CACNB2: variants seen among roughly 807,000 people sequenced by gnomAD.
CACNB2 encodes the protein calcium voltage-gated channel auxiliary subunit beta 2, also known as voltage-dependent L-type calcium channel subunit beta-2.
A neutral mutation model predicts 73.3 loss-of-function variants in CACNB2; 42 were observed. That is an observed-to-expected ratio of 0.57 (90% CI 0.45 to 0.74). The LOEUF (loss-of-function observed/expected upper bound fraction) is 0.74, where lower values mean the gene tolerates loss of function less well. Ranked by LOEUF, CACNB2 falls within the 30% of genes least tolerant of loss-of-function variation. The pLI is 0.00. For synonymous variants in CACNB2, 348 were observed against 310.3 expected (o/e 1.12, Z -1.28); for missense variants, 940 against 853.0 (o/e 1.10, Z -1.27).
Position 18,229,400 on chromosome 10 carries a change from C to G in CACNB2, c.213+78425C>G, listed in dbSNP as rs564081201. 1.3e-4 allele frequency among the ~76,000 whole-genome samples: 20 copies of G among 152,164 alleles called. 1 individual carries two copies. In the South Asian group the frequency reaches 4.2e-3, roughly 32 times the overall value. On this transcript the variant is annotated intron_variant, in intron 2 of 13. Coordinates refer to ENST00000324631, the MANE Select transcript of CACNB2 (RefSeq NM_201596.3). The stretch of plus-strand genomic sequence containing the variant: ...AGATCTAAAATTAGTCTTATTAGAC[C>G]ACAGATATGTACCCAGCCAAATTTA...
chr10:18,188,188 T>C (rs925555497), intron 2 of CACNB2, among the ~76,000 whole-genome samples: 16 of 152,094 alleles, frequency 1.1e-4, no homozygotes, highest in South Asian at 6.2e-4. Context: ...TGCTTGCTTA[T>C]CTCCTTCCTT....
intron 3 of CACNB2, among the ~76,000 whole-genome samples, chr10:18,474,095 A>G (rs778064717): frequency 8.5e-5 from 13 of 152,254 alleles, no homozygotes; most frequent in Non-Finnish European, 1.0e-4. Flanking sequence ...AATTTCTCAC[A>G]TAGAAAATGG....
intron 3 of CACNB2, among the ~76,000 whole-genome samples, chr10:18,496,386 G>A (rs568502139): frequency 2.0e-5 from 3 of 152,028 alleles, no homozygotes; most frequent in Non-Finnish European, 4.4e-5. Flanking sequence ...AATTAACTTC[G>A]GAAAATTTGG....
chr10:18,307,983 C>CATT (rs1356604464), intron 2 of CACNB2, among the ~76,000 whole-genome samples: 15 of 70,268 alleles, frequency 2.1e-4, no homozygotes, highest in African/African-American at 8.4e-4. Context: ...TATATGCCAA[C>CATT]TTTTTTTTTT....
chr10:18,391,908 A>C (rs61839230), intron 2 of CACNB2, among the ~76,000 whole-genome samples: 21,067 of 139,544 alleles, frequency 0.15, 1,833 homozygotes, highest in South Asian at 0.21. Context: ...AGCCTGAGTG[A>C]CAGAGTAAGA....
At chr10:18,330,204 T>C (rs1219997264) in intron 2 of CACNB2, among the ~76,000 whole-genome samples, 1 of 152,192 alleles carries the variant, frequency 6.6e-6, no homozygotes, top group Non-Finnish European at 1.5e-5. Context: ...AAAAATCGCA[T>C]TCATTATTTA....
chr10:18,147,806 T>C (rs967096526), intron 1 of CACNB2, among the ~76,000 whole-genome samples: 1 of 152,100 alleles, frequency 6.6e-6, no homozygotes, highest in Non-Finnish European at 1.5e-5. Context: ...TTCACTTTTT[T>C]CCCCCCTTAA....
intron 2 of CACNB2, among the ~76,000 whole-genome samples, chr10:18,218,859 C>A (rs1043446217): frequency 1.3e-5 from 2 of 151,358 alleles, no homozygotes; most frequent in Non-Finnish European, 2.9e-5. Flanking sequence ...GAATGAGACT[C>A]CATCTCAAAA....
At chr10:18,249,375 T>C (rs1248183294) in intron 2 of CACNB2, among the ~76,000 whole-genome samples, 1 of 151,462 alleles carries the variant, frequency 6.6e-6, no homozygotes, top group African/African-American at 2.4e-5. Flanking sequence ...TTACCTGTAA[T>C]ACCTCCTATT....
chr10:18,243,256 C>T (rs757062352), intron 2 of CACNB2, among the ~76,000 whole-genome samples: 1 of 151,666 alleles, frequency 6.6e-6, no homozygotes, highest in Non-Finnish European at 1.5e-5. Flanking sequence ...TAAATTTGAT[C>T]AAGAATAAAT....
intron 2 of CACNB2, among the ~76,000 whole-genome samples, chr10:18,210,938 C>T (rs540832876): frequency 6.6e-6 from 1 of 152,280 alleles, no homozygotes; most frequent in Admixed American, 6.5e-5. Context: ...TGCCTTCAGA[C>T]AAGTTTCTCA....
intron 2 of CACNB2, among the ~76,000 whole-genome samples, chr10:18,178,509 A>G (rs1201859202): frequency 1.3e-5 from 2 of 152,160 alleles, no homozygotes; most frequent in Admixed American, 1.3e-4. Flanking sequence ...GTTGACCCAC[A>G]GATTTCTTCT....
At chr10:18,409,572 G>A (rs751555958) in intron 3 of CACNB2, among the ~76,000 whole-genome samples, 4 of 152,238 alleles carry the variant, frequency 2.6e-5, no homozygotes, top group Non-Finnish European at 5.9e-5. Flanking sequence ...GACTCTGTCT[G>A]ACTCTGGACA....
intron 2 of CACNB2, among the ~76,000 whole-genome samples, chr10:18,215,549 G>C (rs2035478174): frequency 6.6e-6 from 1 of 152,122 alleles, no homozygotes; most frequent in South Asian, 2.1e-4. Flanking sequence ...TGGTCATTTT[G>C]AATTAGATAT....
At chr10:18,515,254 G>A (rs371561123) in intron 7 of CACNB2, among the ~76,000 whole-genome samples, 3 of 152,188 alleles carry the variant, frequency 2.0e-5, no homozygotes, top group East Asian at 3.9e-4. Context: ...TTCAGACAAA[G>A]CCTTTTCCTC....
chr10:18,143,766 G>A (rs887116867), intron 1 of CACNB2, among the ~76,000 whole-genome samples: 2 of 152,182 alleles, frequency 1.3e-5, no homozygotes, highest in African/African-American at 4.8e-5. Flanking sequence ...GTGGCACCGA[G>A]TAATTCTACT....
chr10:18,248,507 G>A (rs1407679249), intron 2 of CACNB2, among the ~76,000 whole-genome samples: 5 of 152,110 alleles, frequency 3.3e-5, no homozygotes, highest in African/African-American at 1.2e-4. Context: ...CATTCTTATA[G>A]TGTTCTCAAC....
At chr10:18,160,079 A>G (rs1405597036) in intron 2 of CACNB2, among the ~76,000 whole-genome samples, 1 of 152,116 alleles carries the variant, frequency 6.6e-6, no homozygotes, top group Non-Finnish European at 1.5e-5. Flanking sequence ...TTTTCTTTTT[A>G]GGAGATATAG....
At chr10:18,433,511 C>T (rs143493629) in intron 3 of CACNB2, among the ~76,000 whole-genome samples, 91 of 152,248 alleles carry the variant, frequency 6.0e-4, no homozygotes, top group Non-Finnish European at 1.2e-3. Flanking sequence ...AACTCAGAAG[C>T]TTTGTATGAG....
Sources: gnomAD v4.1 joint callset for allele counts (sites outside exome capture counted in the v4.1 genomes callset) on GRCh38, gnomAD v4.1.1 for gene constraint, MANE v1.5 for transcripts, NCBI Gene and HGNC (gene_info 2026-07-23, HGNC 2026-07-21) for gene names.